Variants in DLC1 observed in about 807,000 individuals in gnomAD.
The protein encoded by DLC1 is rho GTPase-activating protein 7.
Under a neutral mutation model 140.3 loss-of-function variants are expected in DLC1, and 54 were observed. The observed-to-expected ratio is 0.38, with a 90% CI of 0.31 to 0.48. The LOEUF (loss-of-function observed/expected upper bound fraction) is 0.48, where lower values mean the gene tolerates loss of function less well. Ranked by LOEUF, DLC1 falls within the 20% of genes least tolerant of loss-of-function variation. The pLI is 0.96. For missense variants in DLC1, 2,536 were observed against 1,907.0 expected (o/e 1.33, Z -6.14); for synonymous variants, 986 against 728.1 (o/e 1.35, Z -5.70).
intron 2 of DLC1, among the ~76,000 whole-genome samples, chr8:13,412,460 T>C (rs1837822063): frequency 6.6e-6 from 1 of 152,130 alleles, no homozygotes; most frequent in Non-Finnish European, 1.5e-5. Flanking sequence ...CTGTCTTCGT[T>C]GTGGCATTTT....
rs1425571129 is a variant in DLC1 at position 13,312,304 on chromosome 8, T to G, written c.1315-7002A>C. Reference sequence around the variant, plus strand: ...TGAACCCGGGAGGCGGAGCTTGCAGTGAGCCGAGATCGCGCCACTGCACTC... The same window carrying G: ...TGAACCCGGGAGGCGGAGCTTGCAGGGAGCCGAGATCGCGCCACTGCACTC... On this transcript the variant is annotated intron_variant, in intron 4 of 17. Coordinates refer to ENST00000276297, the MANE Select transcript of DLC1 (RefSeq NM_182643.3). Among the ~76,000 whole-genome samples the G allele has an allele frequency of 2.6e-5, 3 of 114,230 alleles. No homozygotes were observed. In the Admixed American group the frequency reaches 3.5e-4, roughly 14 times the overall value. The allele number at this position is 114,230 out of a possible 152,430, so 74.9% of individuals were successfully genotyped here.
intron 4 of DLC1, among the ~76,000 whole-genome samples, chr8:13,347,437 C>G (rs916272844): frequency 6.6e-6 from 1 of 152,164 alleles, no homozygotes; most frequent in East Asian, 1.9e-4. Context: ...CAGGGCTGGA[C>G]ACTCCTTGAG....
intron 1 of DLC1, among the ~76,000 whole-genome samples, chr8:13,602,076 A>T (rs1224619607): frequency 6.6e-6 from 1 of 151,894 alleles, no homozygotes; most frequent in East Asian, 1.9e-4. Flanking sequence ...AGCCAAACAT[A>T]AATCATGAAT....
chr8:13,132,429 T>G (rs956772691), intron 5 of DLC1, among the ~76,000 whole-genome samples: 1 of 151,248 alleles, frequency 6.6e-6, no homozygotes, highest in Non-Finnish European at 1.5e-5. Context: ...CAGGCAGTGA[T>G]GAAAAAAAAA....
chr8:13,532,340 C>T (rs186409276), intron 1 of DLC1, among the ~76,000 whole-genome samples: 5 of 152,312 alleles, frequency 3.3e-5, no homozygotes, highest in Admixed American at 3.3e-4. Context: ...TTTTACCTGT[C>T]TCTTCCTAGG....
chr8:13,303,445 T>C (rs1832287165), intron 5 of DLC1, among the ~76,000 whole-genome samples: 1 of 152,140 alleles, frequency 6.6e-6, no homozygotes, highest in Non-Finnish European at 1.5e-5. Flanking sequence ...AGGAGGAAAA[T>C]TTCCAGGATT....
intron 1 of DLC1, among the ~76,000 whole-genome samples, chr8:13,538,730 A>G (rs1803384137): frequency 6.6e-6 from 1 of 152,180 alleles, no homozygotes; most frequent in South Asian, 2.1e-4. Flanking sequence ...ATCTTGCCCA[A>G]AGTCACTCAG....
chr8:13,309,096 T>G (rs1410122905), intron 4 of DLC1, among the ~76,000 whole-genome samples: 1 of 152,238 alleles, frequency 6.6e-6, no homozygotes. Flanking sequence ...GGCATATTTT[T>G]GAATCCATTA....
intron 4 of DLC1, among the ~76,000 whole-genome samples, chr8:13,375,265 G>C (rs1835922399): frequency 6.6e-6 from 1 of 152,070 alleles, no homozygotes; most frequent in Non-Finnish European, 1.5e-5. Flanking sequence ...CTGACCTCGT[G>C]ATCCACCCAC....
chr8:13,570,044 A>C (rs1359932363), intron 1 of DLC1, among the ~76,000 whole-genome samples: 2 of 152,218 alleles, frequency 1.3e-5, no homozygotes, highest in Non-Finnish European at 2.9e-5. Flanking sequence ...TTATTTTTCT[A>C]ACACACAAAT....
intron 5 of DLC1, among the ~76,000 whole-genome samples, chr8:13,207,467 G>T (rs1165126857): frequency 6.6e-6 from 1 of 151,920 alleles, no homozygotes; most frequent in Non-Finnish European, 1.5e-5. Flanking sequence ...CCTTCTTTAG[G>T]CTAAGATTTA....
chr8:13,392,709 T>C (rs908987594), intron 4 of DLC1, among the ~76,000 whole-genome samples: 8 of 152,230 alleles, frequency 5.3e-5, no homozygotes, highest in African/African-American at 1.9e-4. Flanking sequence ...AGTCAAATAC[T>C]ATTTTCCTGT....
intron 5 of DLC1, among the ~76,000 whole-genome samples, chr8:13,141,833 T>C (rs920924142): frequency 6.6e-6 from 1 of 152,196 alleles, no homozygotes; most frequent in Admixed American, 6.5e-5. Flanking sequence ...TGAATTAAGC[T>C]GGACTTTGGG....
At chr8:13,241,749 C>T (rs1829553669) in intron 5 of DLC1, among the ~76,000 whole-genome samples, 1 of 152,128 alleles carries the variant, frequency 6.6e-6, no homozygotes, top group Non-Finnish European at 1.5e-5. Context: ...CCATGGAGAT[C>T]CTGCTGTTCT....
intron 5 of DLC1, among the ~76,000 whole-genome samples, chr8:13,146,306 T>C (rs1823434909): frequency 6.6e-6 from 1 of 151,540 alleles, no homozygotes; most frequent in Non-Finnish European, 1.5e-5. Flanking sequence ...TAATACGTAA[T>C]AGTTGTAGTA....
At chr8:13,567,486 T>C (rs1339076885) in intron 1 of DLC1, 1 of 1,552,096 alleles carries the variant, frequency 6.4e-7, no homozygotes, top group Admixed American at 2.0e-5. Context: ...ATGCCTTTAG[T>C]TGTACTGTAC....
intron 1 of DLC1, among the ~76,000 whole-genome samples, chr8:13,534,316 A>G (rs866603363): frequency 6.6e-6 from 1 of 152,156 alleles, no homozygotes; most frequent in Non-Finnish European, 1.5e-5. Context: ...TTCATTAATA[A>G]TAAGAACTGT....
chr8:13,517,593 T>G (rs139261952), upstream of DLC1, among the ~76,000 whole-genome samples: 1 of 152,220 alleles, frequency 6.6e-6, no homozygotes, highest in Non-Finnish European at 1.5e-5. Flanking sequence ...ACTTCCTAAG[T>G]ACTTAGTATT....
chr8:13,267,898 C>T (rs1830756948), intron 5 of DLC1, among the ~76,000 whole-genome samples: 1 of 151,972 alleles, frequency 6.6e-6, no homozygotes, highest in Admixed American at 6.5e-5. Context: ...AATAATATGC[C>T]ATGTCTTTTC....
Sources: allele counts gnomAD v4.1 joint callset (sites outside exome capture counted in the v4.1 genomes callset), GRCh38; gene constraint gnomAD v4.1.1; transcripts MANE v1.5; gene names NCBI Gene and HGNC (gene_info 2026-07-23, HGNC 2026-07-21).